Variants in FAM186A observed in about 807,000 individuals in gnomAD.
FAM186A encodes protein FAM186A.
Under a neutral mutation model 216.8 loss-of-function variants are expected in FAM186A, and 163 were observed. The ratio of observed to expected loss-of-function variants is 0.75; its 90% CI spans 0.66 to 0.86. The LOEUF (loss-of-function observed/expected upper bound fraction) is 0.86, where lower values mean the gene tolerates loss of function less well. FAM186A is among the 40% of genes least tolerant of loss of function. The pLI is 0.00. For synonymous variants in FAM186A, 805 were observed against 1,025.3 expected, an observed-to-expected ratio of 0.79 and a Z score of 4.10; for missense variants, 2,184 against 2,746.2, an observed-to-expected ratio of 0.80 and a Z score of 4.58.
intron 5 of FAM186A, among the ~76,000 whole-genome samples, chr12:50,332,899 G>A (rs565994363): frequency 6.6e-6 from 1 of 151,946 alleles, no homozygotes; most frequent in East Asian, 1.9e-4. Context: ...ATGGTGGCAG[G>A]CACCTGTAAT....
Position 50,396,338 on chromosome 12 carries a change from A to G in FAM186A, c.147T>C (p.Asp49=). The G allele has an allele frequency of 6.4e-7, 1 of 1,551,618 alleles. No homozygotes were observed. Among genetic ancestry groups the G allele is most frequent in the Non-Finnish European group, 8.7e-7 (1 of 1,146,976 alleles). The change falls in exon 1 of 8, where the codon GAT becomes GAC. Residue 49 remains aspartate, a synonymous_variant. Coordinates refer to ENST00000327337, the MANE Select transcript of FAM186A (RefSeq NM_001145475.3). ...GTGCGCGCTCAATCCTAGAGATGAT[A>G]TCCTTTACTGAGAATGGGATCTCAA... is the stretch of plus-strand genomic sequence containing the variant. The part of the protein sequence containing the change: ...PNLEIPFSVK[D]IISRIERAQL...
intron 1 of FAM186A, among the ~76,000 whole-genome samples, chr12:50,380,386 C>G (rs1453727220): frequency 6.6e-6 from 1 of 151,638 alleles, no homozygotes; most frequent in Non-Finnish European, 1.5e-5. Context: ...ATAATAAGAA[C>G]TGGTGTTGTT....
At chr12:50,389,330 G>A (rs1437986025) in intron 1 of FAM186A, among the ~76,000 whole-genome samples, 1 of 151,896 alleles carries the variant, frequency 6.6e-6, no homozygotes, top group Non-Finnish European at 1.5e-5. Flanking sequence ...GAGAAACCCC[G>A]TCTCTACTAA....
At chr12:50,339,358 G>A (rs1160839917) in intron 4 of FAM186A, among the ~76,000 whole-genome samples, 1 of 152,098 alleles carries the variant, frequency 6.6e-6, no homozygotes, top group Non-Finnish European at 1.5e-5. Context: ...TGCCTGGCAT[G>A]GATGCCCTTG....
intron 4 of FAM186A, among the ~76,000 whole-genome samples, chr12:50,335,393 C>T (rs1942697584): frequency 6.6e-6 from 1 of 152,128 alleles, no homozygotes; most frequent in Admixed American, 6.5e-5. Flanking sequence ...CGCCTGTAAT[C>T]CAAGCACTTT....
At chr12:50,333,119 A>C (rs1942672409) in intron 5 of FAM186A, among the ~76,000 whole-genome samples, 2 of 152,240 alleles carry the variant, frequency 1.3e-5, no homozygotes, top group African/African-American at 4.8e-5. Flanking sequence ...TCTGATGAGA[A>C]GCCTCTCTGT....
chr12:50,355,113 T>C lies in FAM186A; in HGVS notation c.1719A>G (p.Ser573=). The C allele has an allele frequency of 6.4e-7, 1 of 1,551,710 alleles. No homozygotes were observed. The highest frequency in any genetic ancestry group is 8.7e-7 in the Non-Finnish European group (1 of 1,146,978). ...TTTCACCTTTGCCCTCTTTGTCCAA[T>C]GACTCAGTGGTGGGTTCCACTTTAA... ...AEIKVEPTTE[S]LDKEGKGEIR... Residue 573 remains serine (S), a synonymous_variant, in exon 4 of 8, where the codon TCA becomes TCG. Transcript: ENST00000327337.
chr12:50,352,543 G>T lies in FAM186A; in HGVS notation c.4289C>A (p.Ala1430Asp). 1.3e-6 allele frequency: 2 copies of T among 1,484,902 alleles called. No individual in the cohort carries two copies. Among genetic ancestry groups the T allele is most frequent in the Non-Finnish European group, 1.8e-6 (2 of 1,111,288 alleles). The allele number at this position is 1,484,902 out of a possible 1,614,324, so 92.0% of individuals were successfully genotyped here. ...GIPFTPQQAQ[A>D]QEITLTPQQA... ...CTGAGGGGTGAGAGTGATCTCCTGA[G>T]CCTGTGCCTGCTGAGGGGTGAAAGG... The change falls in exon 4 of 8, where the codon GCT (alanine) becomes GAT (aspartate). Residue 1430 changes from alanine (A) to aspartate (D), a missense_variant. By Grantham distance (126) the Ala-to-Asp change is moderately radical (BLOSUM62 -2). Around this residue, in one of 7 missense-constraint regions of FAM186A, gnomAD observed 267 missense variants for 446.2 expected, o/e 0.60. Transcript: ENST00000327337.
At chr12:50,365,415 A>G (rs897082866) in intron 1 of FAM186A, among the ~76,000 whole-genome samples, 13 of 152,306 alleles carry the variant, frequency 8.5e-5, no homozygotes, top group African/African-American at 2.9e-4. Context: ...TTTTTAAAGT[A>G]TAGGTAGTTT....
rs1320618668 is a variant in FAM186A at position 50,330,696 on chromosome 12, A to G, written c.6911T>C (p.Ile2304Thr). 2.6e-6 allele frequency: 4 copies of G among 1,548,358 alleles called. No individual in the cohort carries two copies. The highest frequency in any genetic ancestry group is 4.0e-5 in the Admixed American group (2 of 50,230). Residue 2304 changes from isoleucine (I) to threonine (T), a missense_variant, in exon 7 of 8, where the codon ATA (isoleucine) becomes ACA (threonine). Ile to Thr is a moderately conservative substitution (Grantham distance 89). Coordinates refer to ENST00000327337, the MANE Select transcript of FAM186A (RefSeq NM_001145475.3). Reference protein sequence around the residue: ...NVDLSTSSYPIAEKTSMHSLW... With the variant: ...NVDLSTSSYPTAEKTSMHSLW... ...TGAATGCATAGATGTCTTCTCTGCT[A>G]TTGGGTAGCTTGAAGTGGACAGATC...
Position 50,334,580 on chromosome 12 carries a change from C to T in FAM186A, c.6504-477G>A, listed in dbSNP as rs559381174. On this transcript the variant is annotated intron_variant, in intron 4 of 7. Transcript: ENST00000327337. ...GCAACCTCTGCCTCATGGGTTCAAG[C>T]GATTCTCATGCCTCAGCCTCCCAAG... is the stretch of plus-strand genomic sequence containing the variant. Among the ~76,000 whole-genome samples the T allele has an allele frequency of 4.0e-5, 6 of 149,860 alleles. No homozygotes were observed. The East Asian group carries it at 9.9e-4, about 25-fold the overall frequency.
intron 1 of FAM186A, among the ~76,000 whole-genome samples, chr12:50,388,031 A>G (rs1474607361): frequency 1.3e-5 from 2 of 152,110 alleles, no homozygotes; most frequent in Non-Finnish European, 2.9e-5. Flanking sequence ...TAAGCTCTCC[A>G]AACCCTGTCC....
At chr12:50,364,429 G>A (rs571285682) in intron 1 of FAM186A, among the ~76,000 whole-genome samples, 5 of 151,762 alleles carry the variant, frequency 3.3e-5, no homozygotes, top group Admixed American at 3.3e-4. Context: ...GTGGTGGCGG[G>A]TGCCTGTAGT....
intron 1 of FAM186A, among the ~76,000 whole-genome samples, chr12:50,394,809 A>G (rs1440537817): frequency 7.5e-6 from 1 of 134,134 alleles, no homozygotes; most frequent in Non-Finnish European, 1.5e-5. Context: ...GGCACAATCT[A>G]TAGCTCACTG....
Position 50,353,016 on chromosome 12 carries a change from G to T in FAM186A, c.3816C>A (p.Ala1272=), listed in dbSNP as rs1342149180. 4.6e-6 allele frequency: 7 copies of T among 1,525,544 alleles called. No homozygotes were observed. The highest frequency in any genetic ancestry group is 5.3e-6 in the Non-Finnish European group (6 of 1,135,340). 94.5% of individuals were successfully genotyped at this position (1,525,544 alleles called of 1,614,324 possible). ...ELGIPLTPQQ[A]QALGITLTPK... ...GGGTGAGAGTGATCCCCAGGGCCTG[G>T]GCCTGCTGAGGAGTAAGAGGGATCC... The change falls in exon 4 of 8, where the codon GCC becomes GCA. Residue 1272 remains alanine (A), a synonymous_variant. Transcript: ENST00000327337.
intron 1 of FAM186A, chr12:50,365,613 TTCC>T: frequency 1.7e-6 from 1 of 591,764 alleles, no homozygotes; most frequent in South Asian, 2.0e-5. Flanking sequence ...TGTAGTTCTC[TTCC>T]CTTTTGCCGC....
chr12:50,376,434 G>C (rs898700334), intron 1 of FAM186A, among the ~76,000 whole-genome samples: 1 of 152,208 alleles, frequency 6.6e-6, no homozygotes, highest in African/African-American at 2.4e-5. Context: ...AACAAGGGTA[G>C]AGGAGACTTG....
intron 4 of FAM186A, among the ~76,000 whole-genome samples, chr12:50,343,918 C>CT (rs71083535): frequency 0.012 from 1,586 of 136,794 alleles, 13 homozygotes; most frequent in Non-Finnish European, 0.018. Flanking sequence ...CACACCCAGC[C>CT]TTTTTTTTTT....
chr12:50,331,646 AAT>A (rs1942657052), intron 6 of FAM186A, 22 bp downstream of exon 6: 6 of 1,524,596 alleles, frequency 3.9e-6, no homozygotes, highest in Non-Finnish European at 5.3e-6. Flanking sequence ...TCCAAAGTTT[AAT>A]ATCAGTCTTT....
Sources: allele counts gnomAD v4.1 joint callset (sites outside exome capture counted in the v4.1 genomes callset), GRCh38; gene constraint gnomAD v4.1.1; regional missense constraint gnomAD v4.1.1; transcripts MANE v1.5; gene names NCBI Gene and HGNC (gene_info 2026-07-23, HGNC 2026-07-21).